The following DMRT1 variants were observed in gnomAD, a reference collection of about 807,000 sequenced individuals.
The protein encoded by DMRT1 is doublesex and mab-3 related transcription factor 1.
Under a neutral mutation model 32.3 loss-of-function variants are expected in DMRT1, and 7 were observed. The observed-to-expected ratio is 0.22, with a 90% CI of 0.12 to 0.41. The LOEUF is 0.41. DMRT1 is among the 10% of genes least tolerant of loss of function. The pLI is 1.00. For missense variants in DMRT1, 625 were observed against 500.5 expected (o/e 1.25, Z -2.37); for synonymous variants, 278 against 206.1 (o/e 1.35, Z -2.99).
chr9:871,008 A>T (rs1816224271), intron 2 of DMRT1, among the ~76,000 whole-genome samples: 1 of 151,694 alleles, frequency 6.6e-6, no homozygotes, highest in Admixed American at 6.6e-5. Context: ...GTGCCCATAC[A>T]TTCAAGCCTT....
At chr9:933,151 G>A (rs889457052) in intron 4 of DMRT1, among the ~76,000 whole-genome samples, 1 of 152,110 alleles carries the variant, frequency 6.6e-6, no homozygotes, top group African/African-American at 2.4e-5. Context: ...GACCTCAGGT[G>A]ATCAATCCAC....
chr9:898,320 A>G (rs1470972815), intron 3 of DMRT1, among the ~76,000 whole-genome samples: 1 of 152,092 alleles, frequency 6.6e-6, no homozygotes, highest in Admixed American at 6.5e-5. Flanking sequence ...GGGTTTCACC[A>G]TGTTGTCCAG....
At chr9:955,871 T>G (rs1819583586) in intron 4 of DMRT1, among the ~76,000 whole-genome samples, 2 of 152,212 alleles carry the variant, frequency 1.3e-5, no homozygotes, top group Admixed American at 1.3e-4. Context: ...GAAACCCATA[T>G]GGCAGTTCTC....
chr9:878,200 G>GCCCCCA (rs1816585085), intron 2 of DMRT1, among the ~76,000 whole-genome samples: 1 of 94,040 alleles, frequency 1.1e-5, no homozygotes, highest in African/African-American at 4.3e-5. Flanking sequence ...TGCAGCTGCT[G>GCCCCCA]CCCCCCCCCC....
At chr9:945,944 T>C (rs1483235752) in intron 4 of DMRT1, among the ~76,000 whole-genome samples, 1 of 152,142 alleles carries the variant, frequency 6.6e-6, no homozygotes, top group Non-Finnish European at 1.5e-5. Flanking sequence ...AGGGGTGTTG[T>C]AGTCAATGTA....
chr9:858,898 T>C (rs1815529300), intron 2 of DMRT1, among the ~76,000 whole-genome samples: 1 of 150,224 alleles, frequency 6.7e-6, no homozygotes, highest in African/African-American at 2.4e-5. Flanking sequence ...TATATATTTA[T>C]CATTGTAACC....
At chr9:890,085 G>GT (rs35228255) in intron 2 of DMRT1, among the ~76,000 whole-genome samples, 57,599 of 103,022 alleles carry the variant, frequency 0.56, 18,751 homozygotes, top group Non-Finnish European at 0.67. Context: ...CACCAAACGT[G>GT]TTTTTTTTTT....
intron 2 of DMRT1, among the ~76,000 whole-genome samples, chr9:848,674 C>T (rs1019347533): frequency 5.3e-5 from 8 of 149,754 alleles, no homozygotes; most frequent in African/African-American, 2.0e-4. Flanking sequence ...CTGTCTTAGC[C>T]TCCTGAGTAG....
At chr9:864,877 G>A (rs1451932071) in intron 2 of DMRT1, among the ~76,000 whole-genome samples, 1 of 3,522 alleles carries the variant, frequency 2.8e-4, no homozygotes, top group Non-Finnish European at 5.7e-4. Flanking sequence ...CAAAAGCTTC[G>A]ACTAAACCAT....
intron 3 of DMRT1, among the ~76,000 whole-genome samples, chr9:916,037 G>A (rs1416486552): frequency 2.6e-5 from 4 of 151,952 alleles, no homozygotes; most frequent in Non-Finnish European, 5.9e-5. Flanking sequence ...CCAGCCTATA[G>A]TCATTTTAAA....
intron 4 of DMRT1, among the ~76,000 whole-genome samples, chr9:941,018 A>G (rs1459846312): frequency 3.3e-5 from 5 of 152,218 alleles, no homozygotes; most frequent in African/African-American, 1.2e-4. Context: ...TGGCTACTAT[A>G]AAAACAATGA....
At chr9:859,655 C>G (rs1044194586) in intron 2 of DMRT1, among the ~76,000 whole-genome samples, 3 of 152,194 alleles carry the variant, frequency 2.0e-5, no homozygotes, top group Non-Finnish European at 4.4e-5. Context: ...AATTACACTT[C>G]AAACCAAGTT....
In DMRT1 at chr9:903,701, G is replaced by C. The variant is rs186446834; in HGVS notation, c.822+9506G>C. ...ATAGTGCACAGGAGAGACATTTTTG[G>C]AGTGTGTTTTGGTTAAAAATATGTA... On this transcript the variant is annotated intron_variant, in intron 3 of 4. Coordinates refer to ENST00000382276, the MANE Select transcript of DMRT1 (RefSeq NM_021951.3). Among the ~76,000 whole-genome samples, 4 of 152,292 alleles carry C rather than the reference G, an allele frequency of 2.6e-5. No homozygotes were observed. In the East Asian group the frequency reaches 7.7e-4, roughly 29 times the overall value.
intron 3 of DMRT1, among the ~76,000 whole-genome samples, chr9:910,987 GCTC>G (rs533123160): frequency 5.3e-4 from 80 of 152,242 alleles, no homozygotes; most frequent in African/African-American, 1.9e-3. Context: ...AAACTGAGTG[GCTC>G]CTCTGATTTC....
chr9:858,439 G>C (rs1179857849), intron 2 of DMRT1, among the ~76,000 whole-genome samples: 3 of 152,132 alleles, frequency 2.0e-5, no homozygotes, highest in Admixed American at 1.3e-4. Flanking sequence ...TTGGTGGTTT[G>C]AGGATCCTGT....
chr9:909,444 G>A (rs78187724), intron 3 of DMRT1, among the ~76,000 whole-genome samples: 2,348 of 152,152 alleles, frequency 0.015, 68 homozygotes, highest in African/African-American at 0.053. Context: ...GACAGTTCAC[G>A]GTGTGTGCTT....
chr9:952,849 A>G (rs1215011608), intron 4 of DMRT1, among the ~76,000 whole-genome samples: 1 of 152,196 alleles, frequency 6.6e-6, no homozygotes, highest in Non-Finnish European at 1.5e-5. Context: ...TAAGGGTGAA[A>G]TTAATTATAT....
At chr9:880,887 C>A (rs1816709508) in intron 2 of DMRT1, among the ~76,000 whole-genome samples, 1 of 152,164 alleles carries the variant, frequency 6.6e-6, no homozygotes, top group South Asian at 2.1e-4. Context: ...TGCAAAAATA[C>A]TTCTGACCTC....
In DMRT1 at chr9:884,834, G is replaced by A. The variant is rs540446893; in HGVS notation, c.539-9078G>A. Among the ~76,000 whole-genome samples, 28 of 152,214 alleles carry A rather than the reference G, an allele frequency of 1.8e-4. No individual in the cohort carries two copies. The South Asian group carries it at 5.6e-3, about 30-fold the overall frequency. On this transcript the variant is annotated intron_variant, in intron 2 of 4. Coordinates refer to ENST00000382276, the MANE Select transcript of DMRT1 (RefSeq NM_021951.3). ...AAAATAGAAAAATTAGCCAGGCACGGTGGTGCGCACCTGTAATCTCAGCTA... is the reference window on the plus strand; with the variant it reads ...AAAATAGAAAAATTAGCCAGGCACGATGGTGCGCACCTGTAATCTCAGCTA...
Sources: gnomAD v4.1 joint callset for allele counts (sites outside exome capture counted in the v4.1 genomes callset) on GRCh38, gnomAD v4.1.1 for gene constraint, MANE v1.5 for transcripts, NCBI Gene and HGNC (gene_info 2026-07-23, HGNC 2026-07-21) for gene names.